Variants in HTR1F observed in about 807,000 individuals in gnomAD.
HTR1F encodes the protein 5-hydroxytryptamine (serotonin) receptor 1F, G protein-coupled.
A neutral mutation model predicts 24.0 loss-of-function variants in HTR1F; 17 were observed. The ratio of observed to expected loss-of-function variants is 0.71; its 90% CI spans 0.48 to 1.06. HTR1F has a LOEUF of 1.06. HTR1F is among the 50% of genes least tolerant of loss of function. HTR1F has a pLI of 0.00. For synonymous variants in HTR1F, 186 were observed against 156.8 expected, an observed-to-expected ratio of 1.19 and a Z score of -1.39; for missense variants, 391 against 427.8, an observed-to-expected ratio of 0.91 and a Z score of 0.76.
chr3:87,842,903 A>T (rs1180662954), intron 2 of HTR1F, among the ~76,000 whole-genome samples: 3 of 151,948 alleles, frequency 2.0e-5, no homozygotes, highest in African/African-American at 4.9e-5. Flanking sequence ...CGATAAAACA[A>T]CAGACACACA....
At chr3:87,803,971 C>T (rs560834237) in intron 1 of HTR1F, among the ~76,000 whole-genome samples, 11 of 152,134 alleles carry the variant, frequency 7.2e-5, no homozygotes, top group East Asian at 3.9e-4. Flanking sequence ...TGAAACTGGG[C>T]GTACAAATCC....
At chr3:87,985,122 G>A (rs1191450750) in intron 2 of HTR1F, among the ~76,000 whole-genome samples, 7 of 152,014 alleles carry the variant, frequency 4.6e-5, no homozygotes, top group Admixed American at 1.3e-4. Context: ...GATCACCTCT[G>A]GTTGGGAGTT....
chr3:87,932,905 G>C (rs1160287180), intron 2 of HTR1F, among the ~76,000 whole-genome samples: 1 of 151,078 alleles, frequency 6.6e-6, no homozygotes, highest in Non-Finnish European at 1.5e-5. Flanking sequence ...AACCAAAAAA[G>C]AGAATTTTAG....
intron 2 of HTR1F, among the ~76,000 whole-genome samples, chr3:87,853,907 G>A (rs1705145408): frequency 1.3e-5 from 2 of 152,036 alleles, no homozygotes; most frequent in African/African-American, 4.8e-5. Context: ...TTTTAATGGG[G>A]TTATTTATTT....
At chr3:87,799,183 G>A (rs913306508) in intron 1 of HTR1F, among the ~76,000 whole-genome samples, 1 of 152,162 alleles carries the variant, frequency 6.6e-6, no homozygotes, top group East Asian at 1.9e-4. Flanking sequence ...ATCAGCTACT[G>A]TAATTTCAGC....
chr3:87,938,662 A>G (rs551420233), intron 2 of HTR1F, among the ~76,000 whole-genome samples: 3 of 152,308 alleles, frequency 2.0e-5, no homozygotes, highest in East Asian at 3.9e-4. Flanking sequence ...AATATTTAAC[A>G]AAAGTGACAA....
chr3:87,873,599 C>G (rs1705607486), intron 2 of HTR1F, among the ~76,000 whole-genome samples: 1 of 152,076 alleles, frequency 6.6e-6, no homozygotes, highest in Non-Finnish European at 1.5e-5. Context: ...AATGTTTTAC[C>G]AACTATCTGG....
At chr3:87,881,638 G>A (rs1275813028) in intron 2 of HTR1F, among the ~76,000 whole-genome samples, 1 of 152,158 alleles carries the variant, frequency 6.6e-6, no homozygotes, top group African/African-American at 2.4e-5. Flanking sequence ...AAATGGTGCT[G>A]GGAAAACTGG....
At chr3:87,940,912 A>G (rs1027548287) in intron 2 of HTR1F, among the ~76,000 whole-genome samples, 1 of 152,204 alleles carries the variant, frequency 6.6e-6, no homozygotes, top group Non-Finnish European at 1.5e-5. Context: ...TCTTCCCTGT[A>G]TTATTTTAAC....
At chr3:87,933,792 T>A (rs942922403) in intron 2 of HTR1F, among the ~76,000 whole-genome samples, 3 of 152,190 alleles carry the variant, frequency 2.0e-5, no homozygotes, top group African/African-American at 4.8e-5. Flanking sequence ...AGGTAATATA[T>A]ACATTCAATG....
At chr3:87,946,213 G>A (rs1379857787) in intron 2 of HTR1F, among the ~76,000 whole-genome samples, 1 of 152,164 alleles carries the variant, frequency 6.6e-6, no homozygotes, top group Non-Finnish European at 1.5e-5. Flanking sequence ...CCAGAGGGGT[G>A]GAAGTCAGCG....
At chr3:87,893,565 T>C (rs1503430) in intron 2 of HTR1F, among the ~76,000 whole-genome samples, 57,931 of 152,082 alleles carry the variant, frequency 0.38, 15,531 homozygotes, top group African/African-American at 0.77. Flanking sequence ...ATGTCAACAG[T>C]AGCAAGTGGC....
At chr3:87,820,895 T>C (rs1704347207) in intron 1 of HTR1F, among the ~76,000 whole-genome samples, 1 of 152,150 alleles carries the variant, frequency 6.6e-6, no homozygotes, top group Admixed American at 6.5e-5. Context: ...AAATTTATCT[T>C]GAGTGGTACT....
chr3:87,944,525 G>A (rs1704648623), intron 2 of HTR1F, among the ~76,000 whole-genome samples: 2 of 152,218 alleles, frequency 1.3e-5, no homozygotes, highest in Admixed American at 1.3e-4. Flanking sequence ...TGTCCTGAAG[G>A]GAGTTCCTCC....
chr3:87,907,104 A>C (rs1401987560), intron 2 of HTR1F, among the ~76,000 whole-genome samples: 1 of 151,948 alleles, frequency 6.6e-6, no homozygotes, highest in African/African-American at 2.4e-5. Flanking sequence ...TCTTTAAGGA[A>C]TCTCCATACT....
chr3:87,937,941 A>G (rs529404418), intron 2 of HTR1F, among the ~76,000 whole-genome samples: 9 of 150,294 alleles, frequency 6.0e-5, no homozygotes, highest in South Asian at 4.2e-4. Context: ...AAAAAAAAAA[A>G]AAGAAGAAAG....
intron 2 of HTR1F, among the ~76,000 whole-genome samples, chr3:87,834,183 T>C (rs1704637503): frequency 6.6e-6 from 1 of 152,220 alleles, no homozygotes; most frequent in Admixed American, 6.5e-5. Flanking sequence ...CTAATCACTA[T>C]ACTATACATG....
chr3:87,945,124 C>G (rs1704666466), intron 2 of HTR1F, among the ~76,000 whole-genome samples: 1 of 151,874 alleles, frequency 6.6e-6, no homozygotes, highest in African/African-American at 2.4e-5. Context: ...CTCTCTCTCT[C>G]TCTCTCCTCC....
chr3:87,852,034 C>A (rs1705098425), intron 2 of HTR1F, among the ~76,000 whole-genome samples: 1 of 150,678 alleles, frequency 6.6e-6, no homozygotes, highest in Non-Finnish European at 1.5e-5. Flanking sequence ...CCAAACATCC[C>A]CACTAGCAAT....
Sources: allele counts gnomAD v4.1 joint callset (sites outside exome capture counted in the v4.1 genomes callset), GRCh38; gene constraint gnomAD v4.1.1; transcripts MANE v1.5; gene names NCBI Gene and HGNC (gene_info 2026-07-23, HGNC 2026-07-21).